Variants in APBB2 observed in about 807,000 individuals in gnomAD.
APBB2 encodes the protein amyloid beta precursor protein binding family B member 2.
APBB2 carries 38 observed loss-of-function variants against 82.5 expected under a neutral mutation model. The ratio of observed to expected loss-of-function variants is 0.46; its 90% CI spans 0.36 to 0.60. APBB2 has a LOEUF of 0.60. Among genes scored for constraint, APBB2 ranks in the 20% least tolerant of loss-of-function variants. The pLI is 0.00. For synonymous variants in APBB2, 341 were observed against 368.2 expected (o/e 0.93, Z 0.85); for missense variants, 772 against 972.3 (o/e 0.79, Z 2.74).
chr4:40,862,635 T>C (rs1763026185), intron 12 of APBB2, among the ~76,000 whole-genome samples: 1 of 152,100 alleles, frequency 6.6e-6, no homozygotes, highest in African/African-American at 2.4e-5. Flanking sequence ...CCAAGCCGGG[T>C]GGATTACGAG....
At chr4:41,110,771 A>G (rs1166014317) in intron 2 of APBB2, among the ~76,000 whole-genome samples, 1 of 152,132 alleles carries the variant, frequency 6.6e-6, no homozygotes, top group African/African-American at 2.4e-5. Flanking sequence ...TATGTTCTAG[A>G]GCAGCGGTCC....
At chr4:41,101,860 G>C (rs568664565) in intron 2 of APBB2, among the ~76,000 whole-genome samples, 1 of 152,020 alleles carries the variant, frequency 6.6e-6, no homozygotes, top group Admixed American at 6.5e-5. Flanking sequence ...TCAGAAGCCT[G>C]AGGCAGGAGA....
intron 2 of APBB2, among the ~76,000 whole-genome samples, chr4:41,105,570 C>T (rs1292052725): frequency 6.6e-6 from 1 of 152,144 alleles, no homozygotes; most frequent in Non-Finnish European, 1.5e-5. Flanking sequence ...TAAAATGCTG[C>T]GCATATGCAC....
At chr4:40,841,681 T>C (rs1755857959) in intron 12 of APBB2, among the ~76,000 whole-genome samples, 1 of 152,050 alleles carries the variant, frequency 6.6e-6, no homozygotes, top group Non-Finnish European at 1.5e-5. Context: ...TATTTATTTA[T>C]TTATTTATTT....
intron 6 of APBB2, among the ~76,000 whole-genome samples, chr4:41,001,792 C>T (rs112476054): frequency 4.0e-5 from 6 of 151,708 alleles, no homozygotes; most frequent in African/African-American, 1.5e-4. Flanking sequence ...GCAGAAGAAT[C>T]GCTTGAACCC....
chr4:41,193,584 T>C, intron 1 of APBB2: 4 of 984,848 alleles, frequency 4.1e-6, no homozygotes, highest in Non-Finnish European at 3.6e-6. Context: ...CTACTTTTTG[T>C]CAGTGAGCTT....
chr4:40,830,508 T>G lies in APBB2; in HGVS notation c.1599A>C (p.Thr533=), dbSNP rs951324799. Residue 533 remains threonine, a synonymous_variant, in exon 13 of 18, where the codon ACA becomes ACC. Coordinates refer to ENST00000508593, the MANE Select transcript of APBB2 (RefSeq NM_004307.2). ...GACTTGTGGCAATGGCTTTTGCTGGTGTGTCACATCGAAATACATGACATT... is the reference window on the plus strand; with the variant it reads ...GACTTGTGGCAATGGCTTTTGCTGGGGTGTCACATCGAAATACATGACATT... ...ILKCHVFRCD[T]PAKAIATSLH... 1 of 1,614,028 alleles carries G rather than the reference T, an allele frequency of 6.2e-7. No individual in the cohort carries two copies. Among genetic ancestry groups the G allele is most frequent in the African/African-American group, 1.3e-5 (1 of 74,894 alleles).
intron 12 of APBB2, among the ~76,000 whole-genome samples, chr4:40,835,977 G>T (rs553155831): frequency 3.7e-4 from 56 of 152,272 alleles, no homozygotes; most frequent in African/African-American, 1.3e-3. Flanking sequence ...GTGGGGGAGG[G>T]AAGGAGGGCT....
chr4:41,059,554 C>A (rs13145390), intron 4 of APBB2, among the ~76,000 whole-genome samples: 31,307 of 152,260 alleles, frequency 0.21, 3,394 homozygotes, highest in Non-Finnish European at 0.24. Context: ...CCGCCCAGGG[C>A]GGAAAACCGC....
At chr4:40,827,736 G>T (rs542199143) in intron 13 of APBB2, among the ~76,000 whole-genome samples, 91 of 152,222 alleles carry the variant, frequency 6.0e-4, no homozygotes, top group Non-Finnish European at 1.2e-3. Context: ...ATTTGTCTCA[G>T]ATGGTAGTTC....
chr4:41,100,108 T>C (rs1744854423), intron 3 of APBB2, among the ~76,000 whole-genome samples: 1 of 152,174 alleles, frequency 6.6e-6, no homozygotes, highest in African/African-American at 2.4e-5. Flanking sequence ...AAAAAAATTC[T>C]AAAATAAAAC....
At chr4:40,890,575 G>A (rs1771714157) in intron 11 of APBB2, 84 bp from the exon 12 acceptor site, 2 of 1,551,088 alleles carry the variant, frequency 1.3e-6, no homozygotes, top group African/African-American at 2.7e-5. Flanking sequence ...GGAATGCCGT[G>A]TCAACCATCA....
In APBB2 at chr4:41,166,096, A is replaced by C. The variant is rs376579266; in HGVS notation, c.-416-22954T>G. 6.8e-3 allele frequency among the ~76,000 whole-genome samples: 1,016 copies of C among 150,478 alleles called. 7 individuals are homozygous for C. The highest frequency in any genetic ancestry group is 0.014 in the Middle Eastern group (4 of 280). ...TCACCATGTTAGCCAGGATGGTCTC[A>C]ATCTCCTGACCTCGTGATCCGCCCG... On this transcript the variant is annotated intron_variant, in intron 1 of 17. Transcript: ENST00000508593.
intron 12 of APBB2, among the ~76,000 whole-genome samples, chr4:40,856,736 T>TC (rs1340718076): frequency 6.6e-6 from 1 of 152,126 alleles, no homozygotes; most frequent in Admixed American, 6.5e-5. Context: ...CCCCGAACAG[T>TC]CCTGCTGCAC....
At chr4:40,977,887 T>C (rs948785943) in intron 6 of APBB2, among the ~76,000 whole-genome samples, 4 of 152,138 alleles carry the variant, frequency 2.6e-5, no homozygotes, top group African/African-American at 9.7e-5. Context: ...TCATATAAGA[T>C]AGAATGTAAA....
intron 6 of APBB2, among the ~76,000 whole-genome samples, chr4:40,946,783 T>A (rs1029404916): frequency 2.0e-5 from 3 of 152,114 alleles, no homozygotes; most frequent in Admixed American, 6.5e-5. Context: ...GCAACCGGAG[T>A]GCTTTCCGGC....
chr4:40,880,622 AAAG>A, intron 12 of APBB2: 1 of 985,466 alleles, frequency 1.0e-6, no homozygotes, highest in Non-Finnish European at 1.2e-6. Flanking sequence ...CCAAGTATTC[AAAG>A]AAGATCACGG....
chr4:40,935,184 A>G, intron 7 of APBB2, 45 bp from the exon 8 acceptor site: 2 of 1,285,346 alleles, frequency 1.6e-6, no homozygotes, highest in Non-Finnish European at 2.1e-6. Flanking sequence ...CATTGATTTA[A>G]AGAAAAAGAA....
At chr4:40,969,644 C>G (rs1414815076) in intron 6 of APBB2, among the ~76,000 whole-genome samples, 1 of 152,168 alleles carries the variant, frequency 6.6e-6, no homozygotes, top group Non-Finnish European at 1.5e-5. Flanking sequence ...TGATTAAAAA[C>G]CCAGTCCCTG....
Sources: gnomAD v4.1 joint callset for allele counts (sites outside exome capture counted in the v4.1 genomes callset) on GRCh38, gnomAD v4.1.1 for gene constraint, MANE v1.5 for transcripts, NCBI Gene and HGNC (gene_info 2026-07-23, HGNC 2026-07-21) for gene names.